SH3RF3: variants seen among roughly 807,000 people sequenced by gnomAD.
SH3RF3 encodes SH3 domain containing ring finger 3.
A neutral mutation model predicts 66.3 loss-of-function variants in SH3RF3; 29 were observed. The ratio of observed to expected loss-of-function variants is 0.44; its 90% CI spans 0.33 to 0.60. The LOEUF (loss-of-function observed/expected upper bound fraction) is 0.60. Ranked by LOEUF, SH3RF3 falls within the 20% of genes least tolerant of loss-of-function variation. The pLI, the probability that SH3RF3 is intolerant of heterozygous loss-of-function variation, is 0.04. For missense variants in SH3RF3, 1,194 were observed against 1,190.9 expected (o/e 1.00, Z -0.04); for synonymous variants, 583 against 532.0 (o/e 1.10, Z -1.32).
chr2:109,364,842 G>C (rs370967744), intron 2 of SH3RF3, among the ~76,000 whole-genome samples: 3 of 152,130 alleles, frequency 2.0e-5, no homozygotes, highest in Non-Finnish European at 4.4e-5. Context: ...TGTACTCTCA[G>C]CACTTTGGGA....
At chr2:109,356,646 C>T (rs1682948861) in intron 2 of SH3RF3, among the ~76,000 whole-genome samples, 2 of 152,226 alleles carry the variant, frequency 1.3e-5, no homozygotes, top group South Asian at 4.1e-4. Context: ...ATATTGGTGA[C>T]GTGATGAGGA....
At chr2:109,456,851 G>A (rs1191681746) in intron 8 of SH3RF3, among the ~76,000 whole-genome samples, 1 of 152,228 alleles carries the variant, frequency 6.6e-6, no homozygotes, top group African/African-American at 2.4e-5. Context: ...GCTACTGCTA[G>A]TCAGCTTCTC....
At chr2:109,291,184 C>G (rs975731062) in intron 1 of SH3RF3, among the ~76,000 whole-genome samples, 10 of 152,006 alleles carry the variant, frequency 6.6e-5, no homozygotes, top group Non-Finnish European at 1.5e-4. Flanking sequence ...GGCACCATCT[C>G]ACATGATTCC....
chr2:109,463,730 G>C (rs1036082366), intron 8 of SH3RF3, among the ~76,000 whole-genome samples: 1 of 152,210 alleles, frequency 6.6e-6, no homozygotes, highest in Non-Finnish European at 1.5e-5. Context: ...ACCTTGGAGA[G>C]ACCTGGCTGC....
At chr2:109,329,517 C>T (rs1366511517) in intron 1 of SH3RF3, among the ~76,000 whole-genome samples, 1 of 152,228 alleles carries the variant, frequency 6.6e-6, no homozygotes, top group South Asian at 2.1e-4. Context: ...AACAACTGAA[C>T]ACATCCCCCC....
rs563416644 is a variant in SH3RF3, at chr2:109,256,684, A to G, written c.574-90990A>G. 3.3e-5 allele frequency among the ~76,000 whole-genome samples: 5 copies of G among 152,224 alleles called. No individual in the cohort carries two copies. The East Asian group carries it at 7.7e-4, about 23-fold the overall frequency. The stretch of plus-strand genomic sequence containing the variant: ...TCGTGGTCTAAGTTTTGTTTTCTCA[A>G]TCTTTCTTTTCTCATCTTCCTTGTG... On this transcript the variant is annotated intron_variant, in intron 1 of 9. Transcript: ENST00000309415.
chr2:109,166,260 C>T (rs530178990), intron 1 of SH3RF3, among the ~76,000 whole-genome samples: 1 of 151,994 alleles, frequency 6.6e-6, no homozygotes, highest in Non-Finnish European at 1.5e-5. Context: ...AGGTGGATCA[C>T]GAGGTCAGGA....
At chr2:109,483,927 C>T (rs1261473449) in intron 8 of SH3RF3, among the ~76,000 whole-genome samples, 2 of 152,172 alleles carry the variant, frequency 1.3e-5, no homozygotes, top group South Asian at 2.1e-4. Context: ...ACTGCATGGC[C>T]TTCAAGCCCC....
chr2:109,365,056 A>G (rs533897406), intron 2 of SH3RF3, among the ~76,000 whole-genome samples: 1 of 150,768 alleles, frequency 6.6e-6, no homozygotes, highest in South Asian at 2.1e-4. Context: ...CATATAAAAC[A>G]AACAAACAAA....
intron 1 of SH3RF3, among the ~76,000 whole-genome samples, chr2:109,290,801 C>G (rs912417760): frequency 6.6e-6 from 1 of 152,232 alleles, no homozygotes; most frequent in Admixed American, 6.5e-5. Flanking sequence ...ACACAGCACT[C>G]TTGATGGCTT....
intron 1 of SH3RF3, among the ~76,000 whole-genome samples, chr2:109,155,216 G>A (rs1170720499): frequency 1.3e-5 from 2 of 152,176 alleles, no homozygotes; most frequent in South Asian, 2.1e-4. Context: ...TCTCATCCAT[G>A]GGCACCTTGC....
chr2:109,221,089 T>C (rs997874062), intron 1 of SH3RF3, among the ~76,000 whole-genome samples: 8 of 152,258 alleles, frequency 5.3e-5, no homozygotes, highest in African/African-American at 9.6e-5. Context: ...AATGAAGTTA[T>C]GACACGTGCT....
At chr2:109,461,145 G>A (rs527388498) in intron 8 of SH3RF3, among the ~76,000 whole-genome samples, 6 of 152,324 alleles carry the variant, frequency 3.9e-5, no homozygotes, top group Admixed American at 1.3e-4. Context: ...GCTCTAACCC[G>A]ATCATGTGTC....
In SH3RF3 at chr2:109,184,740, A is replaced by G. The variant is rs564981462; in HGVS notation, c.573+54627A>G. 5.9e-5 allele frequency among the ~76,000 whole-genome samples: 9 copies of G among 152,282 alleles called. No individual in the cohort carries two copies. In the East Asian group the frequency reaches 1.5e-3, roughly 26 times the overall value. On this transcript the variant is annotated intron_variant, in intron 1 of 9. Coordinates refer to ENST00000309415, the MANE Select transcript of SH3RF3 (RefSeq NM_001099289.3). ...GCCTCCTGTGAATGTGCAGCCTCCT[A>G]TTCTGCCAGAACTTTCTGGTTGGGT... is the stretch of plus-strand genomic sequence containing the variant.
At chr2:109,179,003 A>ATGTGTG (rs56236635) in intron 1 of SH3RF3, among the ~76,000 whole-genome samples, 6,505 of 142,064 alleles carry the variant, frequency 0.046, 240 homozygotes, top group African/African-American at 0.1. Context: ...AAGTATAATA[A>ATGTGTG]TGTGTGTGTG....
chr2:109,256,170 C>A (rs1250044746), intron 1 of SH3RF3, among the ~76,000 whole-genome samples: 2 of 152,130 alleles, frequency 1.3e-5, no homozygotes, highest in Non-Finnish European at 2.9e-5. Context: ...GGCGGAGGCC[C>A]TCACTGAGTC....
At chr2:109,188,541 A>AT (rs1162396152) in intron 1 of SH3RF3, among the ~76,000 whole-genome samples, 1 of 152,208 alleles carries the variant, frequency 6.6e-6, no homozygotes, top group Non-Finnish European at 1.5e-5. Flanking sequence ...GAGAAGCGGC[A>AT]TCCCCCGTCA....
At chr2:109,210,277 C>T (rs994108326) in intron 1 of SH3RF3, among the ~76,000 whole-genome samples, 1 of 152,234 alleles carries the variant, frequency 6.6e-6, no homozygotes, top group Admixed American at 6.5e-5. Context: ...GGTGTACAAA[C>T]ATCTGTTTGA....
intron 1 of SH3RF3, among the ~76,000 whole-genome samples, chr2:109,316,631 C>G (rs766418991): frequency 2.0e-4 from 31 of 152,222 alleles, no homozygotes; most frequent in African/African-American, 2.4e-4. Context: ...TGCCCCGCCC[C>G]CATGTGCAGC....
Sources: gnomAD v4.1 joint callset for allele counts (sites outside exome capture counted in the v4.1 genomes callset) on GRCh38, gnomAD v4.1.1 for gene constraint, MANE v1.5 for transcripts, NCBI Gene and HGNC (gene_info 2026-07-23, HGNC 2026-07-21) for gene names.